DNAAF10: variants seen among roughly 807,000 people sequenced by gnomAD.
DNAAF10 encodes WD repeat domain 92.
A neutral mutation model predicts 43.7 loss-of-function variants in DNAAF10; 28 were observed. The observed-to-expected ratio is 0.64, with a 90% CI of 0.48 to 0.88. DNAAF10 has a LOEUF of 0.88. Among genes scored for constraint, DNAAF10 ranks in the 40% least tolerant of loss-of-function variants. DNAAF10 has a pLI of 0.00. For synonymous variants in DNAAF10, 156 were observed against 157.3 expected (o/e 0.99, Z 0.06); for missense variants, 403 against 439.1 (o/e 0.92, Z 0.73).
At chr2:68,132,135 A>G (rs944205503) in intron 7 of DNAAF10, 2 of 152,562 alleles carry the variant, frequency 1.3e-5, no homozygotes, top group South Asian at 2.1e-4. Flanking sequence ...TCTAGATTTG[A>G]AAAGGGGAAA....
chr2:68,132,769 AAAACTCC>A (rs1672952175), intron 7 of DNAAF10, among the ~76,000 whole-genome samples: 1 of 152,246 alleles, frequency 6.6e-6, no homozygotes. Flanking sequence ...ACTTGACAGT[AAAACTCC>A]AAACCGATTT....
intron 6 of DNAAF10, among the ~76,000 whole-genome samples, chr2:68,136,154 A>G (rs754898265): frequency 1.3e-5 from 2 of 150,708 alleles, no homozygotes; most frequent in Non-Finnish European, 3.0e-5. Context: ...GGAGTTTGAG[A>G]CTGCAGTGAG....
At chr2:68,142,016 C>A (rs1456153143) in intron 3 of DNAAF10, among the ~76,000 whole-genome samples, 1 of 152,116 alleles carries the variant, frequency 6.6e-6, no homozygotes, top group African/African-American at 2.4e-5. Context: ...AATTAATAGA[C>A]ACACAGAAAA....
At chr2:68,151,556 G>A (rs1673458911) in intron 1 of DNAAF10, among the ~76,000 whole-genome samples, 1 of 152,172 alleles carries the variant, frequency 6.6e-6, no homozygotes, top group Non-Finnish European at 1.5e-5. Flanking sequence ...CACCATGAGA[G>A]CAGGGCCTTG....
chr2:68,131,536 G>A (rs1672931635), intron 7 of DNAAF10, 91 bp from the exon 8 acceptor site: 1 of 1,243,304 alleles, frequency 8.0e-7, no homozygotes, highest in African/African-American at 1.5e-5. Flanking sequence ...CTATTTCTCA[G>A]TTGGTTACTG....
chr2:68,132,855 T>C (rs1170385182), intron 7 of DNAAF10, among the ~76,000 whole-genome samples: 1 of 152,242 alleles, frequency 6.6e-6, no homozygotes, highest in Non-Finnish European at 1.5e-5. Context: ...CAAATTTGCA[T>C]ACAGACCTAA....
intron 1 of DNAAF10, among the ~76,000 whole-genome samples, chr2:68,148,178 C>A (rs929782992): frequency 2.6e-5 from 4 of 152,104 alleles, no homozygotes; most frequent in Non-Finnish European, 5.9e-5. Flanking sequence ...TATTATTTAA[C>A]GTATGGGGTT....
intron 1 of DNAAF10, among the ~76,000 whole-genome samples, chr2:68,155,526 G>A (rs1309607382): frequency 6.6e-6 from 1 of 151,548 alleles, no homozygotes; most frequent in Non-Finnish European, 1.5e-5. Flanking sequence ...AAAGAAAAAG[G>A]AATAAATCCT....
intron 7 of DNAAF10, among the ~76,000 whole-genome samples, chr2:68,133,544 G>A (rs1439427088): frequency 1.3e-5 from 2 of 152,176 alleles, no homozygotes; most frequent in South Asian, 2.1e-4. Flanking sequence ...CCTGAGGTCA[G>A]GAGTTCGAGA....
At chr2:68,157,086 G>A (rs1297078959) in intron 1 of DNAAF10, 175 bp downstream of exon 1, 5 of 914,984 alleles carry the variant, frequency 5.5e-6, no homozygotes, top group Non-Finnish European at 8.0e-6. Context: ...CCGCGGATGA[G>A]AAGAAAGGTT....
chr2:68,134,483 A>G, intron 7 of DNAAF10: 1 of 1,343,644 alleles, frequency 7.4e-7, no homozygotes, highest in Non-Finnish European at 9.5e-7. Flanking sequence ...AAAATGATAT[A>G]CTAAAATGTA....
intron 5 of DNAAF10, 53 bp downstream of exon 5, chr2:68,138,689 A>G (rs1673103425): frequency 3.1e-6 from 4 of 1,285,698 alleles, no homozygotes; most frequent in Non-Finnish European, 4.5e-6. Context: ...AATAGTTCAG[A>G]GGTGAATGGA....
chr2:68,141,038 C>T (rs1383713673), intron 4 of DNAAF10, among the ~76,000 whole-genome samples: 1 of 152,272 alleles, frequency 6.6e-6, no homozygotes, highest in Non-Finnish European at 1.5e-5. Context: ...CAGGCCCCAC[C>T]TCCAACACTG....
chr2:68,152,001 T>C (rs945492237), intron 1 of DNAAF10, among the ~76,000 whole-genome samples: 1 of 152,240 alleles, frequency 6.6e-6, no homozygotes, highest in Non-Finnish European at 1.5e-5. Flanking sequence ...TCCAGGCTTA[T>C]ATGTAAATCA....
chr2:68,131,120 A>G lies in DNAAF10; in HGVS notation c.*118T>C. ...TTTTTAGTAGAGACGGGGTTTCACCATGTTAGCCAGGATGGTCTCGATCTC... is the reference window on the plus strand; with the variant it reads ...TTTTTAGTAGAGACGGGGTTTCACCGTGTTAGCCAGGATGGTCTCGATCTC... On this transcript the variant is annotated 3_prime_UTR_variant, in exon 8 of 8. Transcript: ENST00000295121. The G allele has an allele frequency of 6.1e-6, 6 of 989,182 alleles. No individual in the cohort carries two copies. Among genetic ancestry groups the G allele is most frequent in the Admixed American group, 2.1e-5 (1 of 48,136 alleles). 61.3% of individuals were successfully genotyped at this position (989,182 alleles called of 1,614,324 possible).
rs553431028 is a variant in DNAAF10 at position 68,142,529 on chromosome 2, G to A, written c.416-734C>T. Reference sequence around the variant, plus strand: ...CTGCCTGGGCTTCCCAAAGTGCTGGGATTACCGGCGTGAGCCACTGTGCCT... The same window carrying A: ...CTGCCTGGGCTTCCCAAAGTGCTGGAATTACCGGCGTGAGCCACTGTGCCT... On this transcript the variant is annotated intron_variant, in intron 3 of 7. Transcript: ENST00000295121. Among the ~76,000 whole-genome samples, 342 of 152,328 alleles carry A rather than the reference G, an allele frequency of 2.2e-3. 3 individuals are homozygous for A. The highest frequency in any genetic ancestry group is 8.0e-3 in the African/African-American group (334 of 41,564).
At position 68,157,256 on chromosome 2, in the gene DNAAF10, C is replaced by A. The variant is rs1158391097; in HGVS notation, c.183+5G>T. ...GGCAGTCCGGATCCTCGACCCGGCA[C>A]CCACCTCCCGAAGCAGCTTCAGGTC... is the stretch of plus-strand genomic sequence containing the variant. On this transcript the variant is annotated splice_donor_5th_base_variant and intron_variant, in intron 1 of 7. Transcript: ENST00000295121. 1 of 1,611,150 alleles carries A rather than the reference C, an allele frequency of 6.2e-7. No individual in the cohort carries two copies. Among genetic ancestry groups the A allele is most frequent in the Non-Finnish European group, 8.5e-7 (1 of 1,178,418 alleles).
chr2:68,144,437 A>T (rs1673264644), intron 3 of DNAAF10, 148 bp downstream of exon 3: 4 of 991,756 alleles, frequency 4.0e-6, no homozygotes, highest in Non-Finnish European at 4.4e-6. Context: ...AAGCAATCAA[A>T]CTTGTCTGTT....
At chr2:68,150,665 G>A (rs1299633196) in intron 1 of DNAAF10, among the ~76,000 whole-genome samples, 1 of 152,052 alleles carries the variant, frequency 6.6e-6, no homozygotes, top group Non-Finnish European at 1.5e-5. Flanking sequence ...CCCAGAGGGC[G>A]GAGGCTGCAG....
Sources: gnomAD v4.1 joint callset for allele counts (sites outside exome capture counted in the v4.1 genomes callset) on GRCh38, gnomAD v4.1.1 for gene constraint, MANE v1.5 for transcripts, NCBI Gene and HGNC (gene_info 2026-07-23, HGNC 2026-07-21) for gene names.